The following SPAG16 variants were observed in gnomAD, a reference collection of about 807,000 sequenced individuals.
The protein encoded by SPAG16 is sperm associated antigen 16.
A neutral mutation model predicts 80.4 loss-of-function variants in SPAG16; 86 were observed. The ratio of observed to expected loss-of-function variants is 1.07; its 90% CI spans 0.90 to 1.28. The LOEUF (loss-of-function observed/expected upper bound fraction) is 1.28, where lower values mean the gene tolerates loss of function less well. Among genes scored for constraint, SPAG16 ranks in the 50% most tolerant of loss-of-function variants. The pLI is 0.00. For synonymous variants in SPAG16, 294 were observed against 265.9 expected (o/e 1.11, Z -1.03); for missense variants, 870 against 765.3 (o/e 1.14, Z -1.61).
chr2:213,764,623 T>C (rs1051494397), intron 10 of SPAG16, among the ~76,000 whole-genome samples: 2 of 152,162 alleles, frequency 1.3e-5, no homozygotes, highest in African/African-American at 4.8e-5. Context: ...GGCTGGCTTT[T>C]CTCCGAATTC....
At chr2:213,603,253 C>A (rs1438498435) in intron 10 of SPAG16, among the ~76,000 whole-genome samples, 1 of 152,154 alleles carries the variant, frequency 6.6e-6, no homozygotes, top group Non-Finnish European at 1.5e-5. Flanking sequence ...TTCTGTGAAA[C>A]CCTTGTTTAT....
chr2:213,468,560 GAGAT>G (rs1303592415), intron 9 of SPAG16, among the ~76,000 whole-genome samples: 4 of 120,712 alleles, frequency 3.3e-5, no homozygotes, highest in Non-Finnish European at 6.4e-5. Context: ...TTTATATATA[GAGAT>G]ATATATATCT....
chr2:214,036,136 A>G (rs1350529790), intron 13 of SPAG16, among the ~76,000 whole-genome samples: 3 of 152,110 alleles, frequency 2.0e-5, no homozygotes, highest in Non-Finnish European at 2.9e-5. Context: ...ATATCAGTGG[A>G]TTAATGTATT....
chr2:214,347,833 A>T (rs1698156406), intron 15 of SPAG16, among the ~76,000 whole-genome samples: 1 of 152,156 alleles, frequency 6.6e-6, no homozygotes, highest in Admixed American at 6.6e-5. Context: ...ACTTTTATGT[A>T]CAGGGAGTAA....
intron 10 of SPAG16, among the ~76,000 whole-genome samples, chr2:213,627,205 G>T (rs1206695813): frequency 2.6e-5 from 4 of 152,172 alleles, no homozygotes; most frequent in Admixed American, 2.6e-4. Context: ...CTATTGAAGA[G>T]TCTGCAAGTG....
intron 10 of SPAG16, among the ~76,000 whole-genome samples, chr2:213,604,677 GT>G (rs924252426): frequency 9.9e-5 from 15 of 151,854 alleles, no homozygotes; most frequent in African/African-American, 3.6e-4. Context: ...ATTGTAAGCT[GT>G]TTTTTTCTCT....
chr2:213,714,106 T>C (rs1235629335), intron 10 of SPAG16, among the ~76,000 whole-genome samples: 1 of 152,208 alleles, frequency 6.6e-6, no homozygotes, highest in Non-Finnish European at 1.5e-5. Flanking sequence ...CTTGGATCCC[T>C]GGTAAATCCT....
At chr2:214,273,568 C>CT (rs921046743) in intron 15 of SPAG16, among the ~76,000 whole-genome samples, 16 of 151,600 alleles carry the variant, frequency 1.1e-4, no homozygotes, top group Non-Finnish European at 1.3e-4. Context: ...CCATTTATTT[C>CT]TTTTTTTTGT....
intron 13 of SPAG16, among the ~76,000 whole-genome samples, chr2:214,017,718 G>T (rs185512990): frequency 1.7e-4 from 26 of 152,242 alleles, no homozygotes; most frequent in African/African-American, 6.0e-4. Context: ...AGTACCTTCA[G>T]CATAGTGCAA....
At chr2:213,471,950 T>C (rs1245894928) in intron 9 of SPAG16, among the ~76,000 whole-genome samples, 1 of 152,222 alleles carries the variant, frequency 6.6e-6, no homozygotes, top group African/African-American at 2.4e-5. Context: ...GAAAGTTTAC[T>C]GAGGCAGAAG....
chr2:214,291,047 G>A (rs952243588), intron 15 of SPAG16, among the ~76,000 whole-genome samples: 1 of 151,954 alleles, frequency 6.6e-6, no homozygotes, highest in Non-Finnish European at 1.5e-5. Flanking sequence ...ATTTAGTGTT[G>A]GGTGTATATA....
rs574304558 is a variant in SPAG16 at position 214,008,442 on chromosome 2, A to T, written c.1401-5509A>T. Among the ~76,000 whole-genome samples the T allele has an allele frequency of 9.5e-3, 1,422 of 150,436 alleles. 26 individuals are homozygous for T. Among genetic ancestry groups the T allele is most frequent in the African/African-American group, 0.033 (1,351 of 40,950 alleles). On this transcript the variant is annotated intron_variant, in intron 12 of 15. Coordinates refer to ENST00000331683, the MANE Select transcript of SPAG16 (RefSeq NM_024532.5). ...CACTTATGTACATATGTAGCATTTA[A>T]AAAAAAAAATTACATGCTGGGGCTG...
intron 9 of SPAG16, among the ~76,000 whole-genome samples, chr2:213,392,248 G>T (rs2067792114): frequency 1.3e-5 from 2 of 152,134 alleles, no homozygotes; most frequent in Admixed American, 1.3e-4. Flanking sequence ...CTGATACTTT[G>T]CATTTATTGT....
At chr2:214,062,018 C>CACAA (rs1459042961) in intron 13 of SPAG16, among the ~76,000 whole-genome samples, 1 of 149,038 alleles carries the variant, frequency 6.7e-6, no homozygotes, top group Non-Finnish European at 1.5e-5. Context: ...CACACACACA[C>CACAA]ACGCAGTGTG....
At chr2:214,350,973 T>A (rs906873691) in intron 15 of SPAG16, among the ~76,000 whole-genome samples, 1 of 152,076 alleles carries the variant, frequency 6.6e-6, no homozygotes, top group African/African-American at 2.4e-5. Context: ...AAAATAGAAT[T>A]TGACCAGATA....
intron 10 of SPAG16, among the ~76,000 whole-genome samples, chr2:213,813,950 G>A (rs1027715418): frequency 6.6e-6 from 1 of 152,082 alleles, no homozygotes; most frequent in African/African-American, 2.4e-5. Flanking sequence ...CTAGGATCGG[G>A]GCTTTGAAAA....
intron 11 of SPAG16, among the ~76,000 whole-genome samples, chr2:213,919,297 T>A (rs1217803667): frequency 6.6e-6 from 1 of 152,172 alleles, no homozygotes; most frequent in Non-Finnish European, 1.5e-5. Flanking sequence ...CCTTAGTTCA[T>A]CTCTGATTTT....
intron 5 of SPAG16, among the ~76,000 whole-genome samples, chr2:213,320,856 T>A (rs2063582260): frequency 6.6e-6 from 1 of 152,064 alleles, no homozygotes; most frequent in East Asian, 1.9e-4. Context: ...TCTTGGCTAT[T>A]GTGAATAGTG....
At chr2:214,153,995 G>A (rs939636193) in intron 15 of SPAG16, among the ~76,000 whole-genome samples, 1 of 152,038 alleles carries the variant, frequency 6.6e-6, no homozygotes, top group Non-Finnish European at 1.5e-5. Context: ...ATTTGTGAAG[G>A]GATAAGTGCT....
Sources: gnomAD v4.1 joint callset for allele counts (sites outside exome capture counted in the v4.1 genomes callset) on GRCh38, gnomAD v4.1.1 for gene constraint, MANE v1.5 for transcripts, NCBI Gene and HGNC (gene_info 2026-07-23, HGNC 2026-07-21) for gene names.